The following RNF43 variants were observed in gnomAD, a reference collection of about 807,000 sequenced individuals.
RNF43 encodes the protein ring finger protein 43.
In RNF43, 37 loss-of-function variants were observed where a neutral mutation model predicts 78.4. That is an observed-to-expected ratio of 0.47 (90% CI 0.36 to 0.62). The LOEUF is 0.62. Among genes scored for constraint, RNF43 ranks in the 20% least tolerant of loss-of-function variants. The pLI, the probability that RNF43 is intolerant of heterozygous loss-of-function variation, is 0.00. For synonymous variants in RNF43, 347 were observed against 395.0 expected, an observed-to-expected ratio of 0.88 and a Z score of 1.44; for missense variants, 774 against 1,007.9, an observed-to-expected ratio of 0.77 and a Z score of 3.14.
rs1231157402 is a variant in RNF43, at chr17:58,358,796, C to A, written c.980G>T (p.Gly327Val). The change falls in exon 9 of 10, where the codon GGA becomes GTA. Residue 327 changes from glycine to valine, a missense_variant. Physicochemically the swap from Gly to Val is moderately radical, Grantham distance 109 (BLOSUM62 -3). Coordinates refer to ENST00000407977, the MANE Select transcript of RNF43 (RefSeq NM_017763.6). This position sits in a 1 kb window ranked among gnomAD's most constrained non-coding sequence, Gnocchi z 6.2. ...TEGDSFSQSL[G>V]PSRSYQEPGR... ...TGGTTCTTGGTAAGATCGAGAGGGT[C>A]CCAGGGACTGGGAAAATGAATCTCC... The A allele has an allele frequency of 6.5e-7, 1 of 1,528,612 alleles. No individual in the cohort carries two copies. The highest frequency in any genetic ancestry group is 8.8e-7 in the Non-Finnish European group (1 of 1,139,236). The allele number at this position is 1,528,612 out of a possible 1,614,324, so 94.7% of individuals were successfully genotyped here. A position where few individuals can be genotyped will look rare whatever the true frequency, so the allele number is the denominator to read the frequency against.
chr17:58,394,565 G>A (rs758240304), intron 2 of RNF43, among the ~76,000 whole-genome samples: 1 of 152,222 alleles, frequency 6.6e-6, no homozygotes, highest in Non-Finnish European at 1.5e-5. Context: ...CTCACACAGC[G>A]TGGGTGAGAG....
At chr17:58,361,654 C>A (rs1044997915) in intron 6 of RNF43, among the ~76,000 whole-genome samples, 1 of 152,180 alleles carries the variant, frequency 6.6e-6, no homozygotes, top group Non-Finnish European at 1.5e-5. Context: ...TCCTGTTTCA[C>A]CCACAGTAAA....
intron 2 of RNF43, among the ~76,000 whole-genome samples, chr17:58,396,613 T>C (rs1218095963): frequency 6.6e-6 from 1 of 152,196 alleles, no homozygotes; most frequent in East Asian, 1.9e-4. Context: ...AAAGGCCAGA[T>C]ATTTAATTTG....
chr17:58,385,277 TA>T lies in RNF43; in HGVS notation c.253-14245del, dbSNP rs571038891. Among the ~76,000 whole-genome samples, 388 of 152,382 alleles carry T rather than the reference TA, an allele frequency of 2.5e-3. 7 individuals carry two copies. Among genetic ancestry groups the T allele is most frequent in the Admixed American group, 0.022 (332 of 15,304 alleles). ...AATTGGTCTCTGAAGTCAAATCTTC[TA>T]TACTTCAAAATGCTTGTTAGACTTT... On this transcript the variant is annotated intron_variant, in intron 2 of 9. Transcript: ENST00000407977.
At chr17:58,378,652 G>A (rs566444474) in intron 2 of RNF43, among the ~76,000 whole-genome samples, 21 of 152,196 alleles carry the variant, frequency 1.4e-4, no homozygotes, top group Non-Finnish European at 2.2e-4. Context: ...GCATAACCTC[G>A]GGCCATCTGA....
chr17:58,398,948 GAGA>G (rs1973739441), intron 2 of RNF43, among the ~76,000 whole-genome samples: 1 of 152,164 alleles, frequency 6.6e-6, no homozygotes, highest in Admixed American at 6.5e-5. Flanking sequence ...AGTGCCTTCG[GAGA>G]AGAAGGAGGC....
intron 2 of RNF43, among the ~76,000 whole-genome samples, chr17:58,414,601 G>A (rs1467475802): frequency 6.6e-6 from 1 of 152,196 alleles, no homozygotes; most frequent in African/African-American, 2.4e-5. Context: ...TAAAGAATAG[G>A]CCATGTATGA....
chr17:58,387,337 T>A (rs949275883), intron 2 of RNF43, among the ~76,000 whole-genome samples: 1 of 152,092 alleles, frequency 6.6e-6, no homozygotes, highest in Non-Finnish European at 1.5e-5. Flanking sequence ...ATATTTGTCT[T>A]AGAAATAGGT....
intron 5 of RNF43, 140 bp downstream of exon 5, chr17:58,363,135 C>A (rs1046514865): frequency 1.4e-5 from 15 of 1,075,450 alleles, no homozygotes; most frequent in Non-Finnish European, 1.8e-5. Flanking sequence ...CCCAGAGGCA[C>A]ACAGCTGATG....
At chr17:58,379,889 G>C (rs75304990) in intron 2 of RNF43, among the ~76,000 whole-genome samples, 1 of 152,334 alleles carries the variant, frequency 6.6e-6, no homozygotes, top group East Asian at 1.9e-4. Flanking sequence ...GGTTTGACCT[G>C]ACTCAGTCAG....
Position 58,357,306 on chromosome 17 carries a change from G to C in RNF43, c.2308+162C>G. The C allele has an allele frequency of 1.1e-6, 1 of 915,314 alleles. No individual in the cohort carries two copies. The highest frequency in any genetic ancestry group is 1.7e-6 in the Non-Finnish European group (1 of 574,514). The allele number at this position is 915,314 out of a possible 1,614,324, so 56.7% of individuals were successfully genotyped here. On this transcript the variant is annotated intron_variant, in intron 9 of 9. Transcript: ENST00000407977. The surrounding 1 kb of genome is among the most constrained non-coding windows in gnomAD (Gnocchi z 4.5). ...AGAGGTGGGGTGTTCCTGCACTCTA[G>C]CCAGCATGATACGCTGTCCCGATGG... is the stretch of plus-strand genomic sequence containing the variant.
At chr17:58,352,692 G>A (rs1308600005), downstream of RNF43, 1 of 207,008 alleles carries the variant, frequency 4.8e-6, no homozygotes, top group Non-Finnish European at 9.8e-6. Flanking sequence ...GAGCGCTATA[G>A]GGTTTCCACT....
Position 58,417,159 on chromosome 17 carries a change from G to A in RNF43, c.-528C>T, listed in dbSNP as rs571739630. 6.6e-6 allele frequency: 1 copy of A among 152,196 alleles called. No individual in the cohort carries two copies. The highest frequency in any genetic ancestry group is 1.9e-4 in the East Asian group (1 of 5,180). The allele number at this position is 152,196 out of a possible 1,614,324, so 9.4% of individuals were successfully genotyped here. A position where few individuals can be genotyped will look rare whatever the true frequency, so the allele number is the denominator to read the frequency against. ...CCTTCTTACTCTGCAACCAAACCAAGTGCCCCATACTACAGGTAGGTGCCG... is the reference window on the plus strand; with the variant it reads ...CCTTCTTACTCTGCAACCAAACCAAATGCCCCATACTACAGGTAGGTGCCG... On this transcript the variant is annotated 5_prime_UTR_variant, in exon 1 of 10. Coordinates refer to ENST00000407977, the MANE Select transcript of RNF43 (RefSeq NM_017763.6).
intron 2 of RNF43, among the ~76,000 whole-genome samples, chr17:58,377,072 C>T (rs1973219765): frequency 6.6e-6 from 1 of 152,044 alleles, no homozygotes; most frequent in South Asian, 2.1e-4. Context: ...GATTTTTTCC[C>T]CTCCCTCCCA....
In RNF43 at chr17:58,354,749, G is replaced by T. The variant is rs1598122770; in HGVS notation, c.*194C>A. 1.6e-6 allele frequency: 1 copy of T among 618,928 alleles called. No individual in the cohort carries two copies. The highest frequency in any genetic ancestry group is 2.9e-6 in the Non-Finnish European group (1 of 339,490). 38.3% of individuals were successfully genotyped at this position (618,928 alleles called of 1,614,324 possible). On this transcript the variant is annotated 3_prime_UTR_variant, in exon 10 of 10. Coordinates refer to ENST00000407977, the MANE Select transcript of RNF43 (RefSeq NM_017763.6). ...ACTGCAGATGTTTTCTGCAGACAAGGTCTGGAGCTGGAGCAGGAAACGGCA... is the reference window on the plus strand; with the variant it reads ...ACTGCAGATGTTTTCTGCAGACAAGTTCTGGAGCTGGAGCAGGAAACGGCA...
At chr17:58,385,107 G>A (rs1035404817) in intron 2 of RNF43, among the ~76,000 whole-genome samples, 4 of 152,054 alleles carry the variant, frequency 2.6e-5, no homozygotes, top group African/African-American at 9.7e-5. Context: ...TTCTCTGATT[G>A]TCCTCACTTG....
At chr17:58,402,640 C>A (rs925934714) in intron 2 of RNF43, 24 of 151,896 alleles carry the variant, frequency 1.6e-4, no homozygotes, top group Non-Finnish European at 3.4e-4. Context: ...TTGTTCTTAC[C>A]CAGAAGATAA....
chr17:58,357,712 C>T lies in RNF43; in HGVS notation c.2064G>A (p.Val688=). Residue 688 remains valine (V), a synonymous_variant, in exon 9 of 10, where the codon GTG becomes GTA. Transcript: ENST00000407977. The surrounding 1 kb of genome is among the most constrained non-coding windows in gnomAD (Gnocchi z 4.5). The part of the protein sequence containing the change: ...CQIFPHYTPS[V]AYPWSPEAHP... ...GTGCCTCTGGGGACCAAGGATATGC[C>T]ACACTGGGGGTGTAATGGGGAAAAA... is the stretch of plus-strand genomic sequence containing the variant. 6.2e-7 allele frequency: 1 copy of T among 1,611,482 alleles called. No homozygotes were observed. Among genetic ancestry groups the T allele is most frequent in the Non-Finnish European group, 8.5e-7 (1 of 1,178,560 alleles).
At chr17:58,397,849 A>T (rs1365113368) in intron 2 of RNF43, among the ~76,000 whole-genome samples, 1 of 152,136 alleles carries the variant, frequency 6.6e-6, no homozygotes, top group East Asian at 1.9e-4. Context: ...GCTATAAATT[A>T]ATCTAATAAT....
Sources: gnomAD v4.1 joint callset for allele counts (sites outside exome capture counted in the v4.1 genomes callset) on GRCh38, gnomAD v4.1.1 for gene constraint, Gnocchi (gnomAD v3.1) non-coding constraint, MANE v1.5 for transcripts, NCBI Gene and HGNC (gene_info 2026-07-23, HGNC 2026-07-21) for gene names.